The following ZNF722 variants were observed in gnomAD, a reference collection of about 807,000 sequenced individuals.
ZNF722 encodes zinc finger protein 479 pseudogene.
chr7:64,015,095 A>C, the ZNF722 span: 3 of 1,416,462 alleles, frequency 2.1e-6, no homozygotes, highest in Non-Finnish European at 3.0e-6. Context: ...TCCAAAAAGT[A>C]ATACCAAGAA....
chr7:64,009,157 G>A, the ZNF722 span, among the ~76,000 whole-genome samples: 1 of 152,148 alleles, frequency 6.6e-6, no homozygotes, highest in East Asian at 1.9e-4. Context: ...GAGACAATGG[G>A]GTTTTGTAAA....
At chr7:63,999,564 T>C in the ZNF722 span, among the ~76,000 whole-genome samples, 1 of 152,224 alleles carries the variant, frequency 6.6e-6, no homozygotes. Context: ...ATTGGTTTGG[T>C]ACAGTTATGT....
the ZNF722 span, chr7:64,005,729 GT>G: frequency 7.0e-6 from 11 of 1,572,238 alleles, no homozygotes; most frequent in Non-Finnish European, 9.5e-6. Context: ...CAGAAACCTG[GT>G]CTCCCTGGGT....
chr7:64,006,255 C>A, the ZNF722 span: 1 of 1,293,162 alleles, frequency 7.7e-7, no homozygotes, highest in Non-Finnish European at 1.1e-6. Context: ...ACTTGATTAC[C>A]TGTCTGGAGC....
chr7:64,008,762 T>G, the ZNF722 span, among the ~76,000 whole-genome samples: 3 of 152,184 alleles, frequency 2.0e-5, no homozygotes, highest in Non-Finnish European at 4.4e-5. Context: ...TTAAAGTAGT[T>G]TTTTCCAGTT....
the ZNF722 span, among the ~76,000 whole-genome samples, chr7:64,016,846 C>G: frequency 1.3e-5 from 2 of 152,108 alleles, no homozygotes; most frequent in African/African-American, 4.8e-5. Context: ...TGGTGAGAAA[C>G]TAGAAATGTG....
chr7:64,001,713 A>G, the ZNF722 span, among the ~76,000 whole-genome samples: 33 of 152,290 alleles, frequency 2.2e-4, no homozygotes, highest in East Asian at 5.4e-3. Flanking sequence ...GCAGTGTATA[A>G]GCATTCAGTT....
the ZNF722 span, chr7:64,015,651 C>T: frequency 6.2e-7 from 1 of 1,613,874 alleles, no homozygotes. Context: ...TGGAGAGAGA[C>T]CCTACAAATG....
the ZNF722 span, among the ~76,000 whole-genome samples, chr7:64,001,192 G>A: frequency 3.1e-3 from 479 of 152,248 alleles, 4 homozygotes; most frequent in African/African-American, 0.011. Flanking sequence ...CACTCAGGTG[G>A]TAAGCATAGT....
At chr7:64,006,399 C>A in the ZNF722 span, 3 of 974,794 alleles carry the variant, frequency 3.1e-6, no homozygotes, top group South Asian at 3.4e-5. Flanking sequence ...GAAATGTGGT[C>A]TGGGGAGCTG....
At chr7:63,998,868 C>G in the ZNF722 span, 31 of 1,397,634 alleles carry the variant, frequency 2.2e-5, no homozygotes, top group Middle Eastern at 2.0e-4. Flanking sequence ...TTCTCTGCGT[C>G]CCGAGCTCCA....
At chr7:64,015,378 A>C in the ZNF722 span, 1 of 1,512,470 alleles carries the variant, frequency 6.6e-7, no homozygotes, top group Non-Finnish European at 9.1e-7. Context: ...TCAACATCAG[A>C]TAATTCATAC....
the ZNF722 span, chr7:64,015,319 T>G: frequency 7.5e-7 from 1 of 1,334,064 alleles, no homozygotes; most frequent in Middle Eastern, 1.8e-4. Context: ...AAGAAACATT[T>G]CAAATGTAAA....
At chr7:64,017,390 A>T in the ZNF722 span, among the ~76,000 whole-genome samples, 1 of 152,238 alleles carries the variant, frequency 6.6e-6, no homozygotes, top group Non-Finnish European at 1.5e-5. Context: ...TCTCAAAAAA[A>T]CAAAAAAGGC....
At chr7:64,002,043 C>T in the ZNF722 span, among the ~76,000 whole-genome samples, 2 of 151,940 alleles carry the variant, frequency 1.3e-5, no homozygotes, top group African/African-American at 4.8e-5. Context: ...GCTGCACGCC[C>T]AGCTAATTTT....
chr7:64,014,687 G>C, the ZNF722 span, among the ~76,000 whole-genome samples: 3 of 152,120 alleles, frequency 2.0e-5, no homozygotes, highest in African/African-American at 7.2e-5. Flanking sequence ...ATTCACTTTT[G>C]ATCACAGAAG....
chr7:64,004,425 A>AAAAAAAATATATATATATAT, the ZNF722 span, among the ~76,000 whole-genome samples: 2 of 61,106 alleles, frequency 3.3e-5, no homozygotes, highest in African/African-American at 1.6e-4. Context: ...AAAAAAAAAA[A>AAAAAAAATATATATATATAT]ATATATATAT....
chr7:64,010,338 G>A, the ZNF722 span, among the ~76,000 whole-genome samples: 1 of 152,064 alleles, frequency 6.6e-6, no homozygotes, highest in Admixed American at 6.6e-5. Context: ...TGATATTAGG[G>A]TGTTGATTTT....
the ZNF722 span, among the ~76,000 whole-genome samples, chr7:64,008,003 G>C: frequency 1.3e-5 from 2 of 152,174 alleles, no homozygotes; most frequent in African/African-American, 2.4e-5. Context: ...GTGATGATGA[G>C]CATTTTTTCA....
Sources: gnomAD v4.1 joint callset for allele counts (sites outside exome capture counted in the v4.1 genomes callset) on GRCh38, gnomAD v4.1.1 for gene constraint, MANE v1.5 for transcripts, NCBI Gene and HGNC (gene_info 2026-07-23, HGNC 2026-07-21) for gene names.